LDB2: variants seen among roughly 807,000 people sequenced by gnomAD.
LDB2 encodes LIM domain-binding protein 2.
A neutral mutation model predicts 44.3 loss-of-function variants in LDB2; 12 were observed. That is an observed-to-expected ratio of 0.27 (90% CI 0.17 to 0.44). LDB2 has a LOEUF of 0.44. Ranked by LOEUF, LDB2 falls within the 20% of genes least tolerant of loss-of-function variation. The pLI is 1.00. For missense variants in LDB2, 344 were observed against 473.5 expected, an observed-to-expected ratio of 0.73 and a Z score of 2.54; for synonymous variants, 164 against 174.8, an observed-to-expected ratio of 0.94 and a Z score of 0.49.
intron 1 of LDB2, among the ~76,000 whole-genome samples, chr4:16,866,886 C>T (rs1714883342): frequency 6.6e-6 from 1 of 152,126 alleles, no homozygotes; most frequent in Non-Finnish European, 1.5e-5. Context: ...CACATAATAT[C>T]CCACACGCTT....
At chr4:16,847,579 A>T (rs1364618289) in intron 1 of LDB2, among the ~76,000 whole-genome samples, 3 of 151,478 alleles carry the variant, frequency 2.0e-5, no homozygotes, top group African/African-American at 7.3e-5. Flanking sequence ...AATCATTGGT[A>T]AAGGTTCTTT....
intron 1 of LDB2, among the ~76,000 whole-genome samples, chr4:16,866,546 T>C (rs1169069794): frequency 6.6e-6 from 1 of 152,056 alleles, no homozygotes; most frequent in African/African-American, 2.4e-5. Context: ...GGGAAGTGAG[T>C]GGCCCAACAT....
intron 2 of LDB2, among the ~76,000 whole-genome samples, chr4:16,733,806 T>A (rs1761271102): frequency 6.6e-6 from 1 of 152,216 alleles, no homozygotes; most frequent in South Asian, 2.1e-4. Flanking sequence ...ACCCTAGTCA[T>A]CAAGGCAATA....
chr4:16,664,637 T>C (rs567851276), intron 2 of LDB2, among the ~76,000 whole-genome samples: 1 of 152,362 alleles, frequency 6.6e-6, no homozygotes, highest in Non-Finnish European at 1.5e-5. Flanking sequence ...CTTTTGTAAA[T>C]GTGATTACTA....
chr4:16,875,672 T>C (rs908496769), intron 1 of LDB2, among the ~76,000 whole-genome samples: 2 of 152,184 alleles, frequency 1.3e-5, no homozygotes, highest in African/African-American at 2.4e-5. Flanking sequence ...TTCTCAGCAA[T>C]GACTCAGAGC....
At chr4:16,538,331 T>C (rs1201076602) in intron 5 of LDB2, among the ~76,000 whole-genome samples, 1 of 152,062 alleles carries the variant, frequency 6.6e-6, no homozygotes, top group East Asian at 1.9e-4. Flanking sequence ...AAATCCCTGC[T>C]CTGTGCCCAG....
chr4:16,854,406 G>T (rs1788912037), intron 1 of LDB2, among the ~76,000 whole-genome samples: 1 of 150,622 alleles, frequency 6.6e-6, no homozygotes, highest in East Asian at 1.9e-4. Flanking sequence ...AATAACAGTG[G>T]TTATTTTGCT....
At position 16,502,468 on chromosome 4, in the gene LDB2, A is replaced by G. The variant is rs1458309318; in HGVS notation, c.*175T>C. The G allele has an allele frequency of 4.4e-6, 4 of 901,448 alleles. No homozygotes were observed. In the African/African-American group the frequency reaches 6.7e-5, roughly 15 times the overall value. The allele number at this position is 901,448 out of a possible 1,614,324, so 55.8% of individuals were successfully genotyped here. A position where few individuals can be genotyped will look rare whatever the true frequency, so the allele number is the denominator to read the frequency against. On this transcript the variant is annotated 3_prime_UTR_variant, in exon 8 of 8. Coordinates refer to ENST00000304523, the MANE Select transcript of LDB2 (RefSeq NM_001290.5). Reference sequence around the variant, plus strand: ...GGGTCATGGAAGCTTACTGGGAATAATCCTCTCAATTAGAAAAAAAGAAAG... The same window carrying G: ...GGGTCATGGAAGCTTACTGGGAATAGTCCTCTCAATTAGAAAAAAAGAAAG...
chr4:16,602,954 T>G (rs936494545), intron 2 of LDB2, among the ~76,000 whole-genome samples: 1 of 152,206 alleles, frequency 6.6e-6, no homozygotes, highest in Non-Finnish European at 1.5e-5. Flanking sequence ...GCAATAAATA[T>G]GTGAATTTAT....
chr4:16,625,150 T>C (rs1048160451), intron 2 of LDB2, among the ~76,000 whole-genome samples: 2 of 152,148 alleles, frequency 1.3e-5, no homozygotes, highest in Admixed American at 1.3e-4. Flanking sequence ...CATCATCTCA[T>C]ACCTCTCTCT....
chr4:16,885,171 A>AC (rs1361391479), intron 1 of LDB2, among the ~76,000 whole-genome samples: 2 of 151,292 alleles, frequency 1.3e-5, no homozygotes, highest in South Asian at 2.1e-4. Context: ...AAAAAAAAAA[A>AC]AAAAAACTTT....
chr4:16,621,989 T>C (rs1729014511), intron 2 of LDB2, among the ~76,000 whole-genome samples: 1 of 152,236 alleles, frequency 6.6e-6, no homozygotes, highest in South Asian at 2.1e-4. Flanking sequence ...GTAATTGTGA[T>C]TTTTGCAATT....
chr4:16,757,176 G>A (rs62296591), intron 2 of LDB2, among the ~76,000 whole-genome samples: 5 of 152,178 alleles, frequency 3.3e-5, no homozygotes, highest in Non-Finnish European at 7.3e-5. Flanking sequence ...TGCACGTCAG[G>A]CGTTCTAAGC....
chr4:16,892,599 A>G (rs573611969), intron 1 of LDB2, among the ~76,000 whole-genome samples: 33 of 152,276 alleles, frequency 2.2e-4, no homozygotes, highest in Middle Eastern at 3.4e-3. Flanking sequence ...ACCAAATCCA[A>G]ATAAGTAAGT....
chr4:16,876,925 G>C (rs144818568), intron 1 of LDB2, among the ~76,000 whole-genome samples: 1 of 121,656 alleles, frequency 8.2e-6, no homozygotes, highest in Non-Finnish European at 1.7e-5. Context: ...TTTTTCCTTA[G>C]AGACAAGGTC....
In LDB2 at chr4:16,798,034, CGA is replaced by C. The variant is rs774167878; in HGVS notation, c.133-38776_133-38775del. Among the ~76,000 whole-genome samples, 178 of 99,172 alleles carry C rather than the reference CGA, an allele frequency of 1.8e-3. 2 individuals carry two copies. Among genetic ancestry groups the C allele is most frequent in the Middle Eastern group, 8.9e-3 (1 of 112 alleles). 65.1% of individuals were successfully genotyped at this position (99,172 alleles called of 152,430 possible). On this transcript the variant is annotated intron_variant, in intron 1 of 7. Transcript: ENST00000304523. ...TGGGCGACAGAGCAAGACTCTGTCT[CGA>C]AAAAAAAAAAAAAAAAAGCTGTATA...
intron 1 of LDB2, among the ~76,000 whole-genome samples, chr4:16,778,010 C>T (rs1190092361): frequency 6.6e-6 from 1 of 152,194 alleles, no homozygotes; most frequent in Admixed American, 6.5e-5. Flanking sequence ...GGACAGTTCA[C>T]ACCGCTGCTC....
chr4:16,710,961 A>G (rs948157204), intron 2 of LDB2, among the ~76,000 whole-genome samples: 5 of 142,666 alleles, frequency 3.5e-5, no homozygotes, highest in African/African-American at 2.6e-5. Context: ...TACTGCAATC[A>G]GCAATGATCT....
At chr4:16,636,526 A>G (rs1301816499) in intron 2 of LDB2, among the ~76,000 whole-genome samples, 1 of 152,226 alleles carries the variant, frequency 6.6e-6, no homozygotes, top group Non-Finnish European at 1.5e-5. Flanking sequence ...GTTGATCCCT[A>G]GACAATAAGA....
Sources: allele counts gnomAD v4.1 joint callset (sites outside exome capture counted in the v4.1 genomes callset), GRCh38; gene constraint gnomAD v4.1.1; transcripts MANE v1.5; gene names NCBI Gene and HGNC (gene_info 2026-07-23, HGNC 2026-07-21).